The following CACNA1C variants were observed in gnomAD, a reference collection of about 807,000 sequenced individuals.
CACNA1C encodes the protein calcium voltage-gated channel subunit alpha1 C, also known as voltage-dependent L-type calcium channel subunit alpha-1C.
A neutral mutation model predicts 229.0 loss-of-function variants in CACNA1C; 30 were observed. That is an observed-to-expected ratio of 0.13 (90% CI 0.10 to 0.18). The LOEUF is 0.18. CACNA1C is among the 10% of genes least tolerant of loss of function. CACNA1C has a pLI of 1.00. For missense variants in CACNA1C, 1,658 were observed against 2,845.0 expected, an observed-to-expected ratio of 0.58 and a Z score of 9.49; for synonymous variants, 1,114 against 1,132.5, an observed-to-expected ratio of 0.98 and a Z score of 0.33.
At chr12:2,579,037 C>G (rs541284823) in intron 13 of CACNA1C, among the ~76,000 whole-genome samples, 14 of 152,056 alleles carry the variant, frequency 9.2e-5, no homozygotes, top group African/African-American at 3.1e-4. Flanking sequence ...GTCAGGAGGG[C>G]CCCCCCACCT....
Position 2,694,685 on chromosome 12 carries a change from C to T in CACNA1C, c.*3486C>T, listed in dbSNP as rs1279221050. 4 of 152,274 alleles carry T rather than the reference C, an allele frequency of 2.6e-5. No homozygotes were observed. Among genetic ancestry groups the T allele is most frequent in the Non-Finnish European group, 5.9e-5 (4 of 68,070 alleles). 9.4% of individuals were successfully genotyped at this position (152,274 alleles called of 1,614,324 possible). On this transcript the variant is annotated 3_prime_UTR_variant, in exon 47 of 47. Transcript: ENST00000399655. ...TACTTTCTCCCAGCTTTTCTCCACCCAGCATGTCTCCTGCCCATGCAGCTG... is the reference window on the plus strand; with the variant it reads ...TACTTTCTCCCAGCTTTTCTCCACCTAGCATGTCTCCTGCCCATGCAGCTG...
At position 2,493,130 on chromosome 12, in the gene CACNA1C, T is replaced by A. The variant is rs956133689; in HGVS notation, c.917-60T>A. 1 of 1,442,980 alleles carries A rather than the reference T, an allele frequency of 6.9e-7. No homozygotes were observed. The highest frequency in any genetic ancestry group is 1.8e-5 in the Admixed American group (1 of 56,632). 89.4% of individuals were successfully genotyped at this position (1,442,980 alleles called of 1,614,324 possible). A position where few individuals can be genotyped will look rare whatever the true frequency, so the allele number is the denominator to read the frequency against. On this transcript the variant is annotated intron_variant, in intron 6 of 46. Coordinates refer to ENST00000399655, the MANE Select transcript of CACNA1C (RefSeq NM_000719.7). This position sits in a 1 kb window ranked among gnomAD's most constrained non-coding sequence, Gnocchi z 4.6. ...GTCACTTTTCTCTCTGACTTCTTTC[T>A]CTGCCCACATCTCTCCCTCCCTGCT...
intron 30 of CACNA1C, among the ~76,000 whole-genome samples, chr12:2,637,166 C>T (rs1435089079): frequency 1.3e-5 from 2 of 152,320 alleles, no homozygotes; most frequent in Admixed American, 6.5e-5. Flanking sequence ...CCTGTCAAAG[C>T]GTTACCAACA....
intron 3 of CACNA1C, among the ~76,000 whole-genome samples, chr12:2,363,298 A>G (rs994411141): frequency 2.6e-5 from 4 of 152,132 alleles, no homozygotes; most frequent in African/African-American, 9.7e-5. Context: ...ATCTCATAAT[A>G]TACTGAGGAG....
chr12:2,206,503 C>T (rs58513794), intron 3 of CACNA1C, among the ~76,000 whole-genome samples: 3,061 of 152,292 alleles, frequency 0.02, 122 homozygotes, highest in African/African-American at 0.07. Context: ...CAGTCTGAGA[C>T]TCAGCATTTT....
chr12:2,324,007 G>A (rs1406979338), intron 3 of CACNA1C, among the ~76,000 whole-genome samples: 5 of 152,196 alleles, frequency 3.3e-5, no homozygotes, highest in African/African-American at 9.7e-5. Context: ...AGCCGGGTCT[G>A]TTTATCTGGT....
At chr12:2,274,092 G>A (rs1025949356) in intron 3 of CACNA1C, among the ~76,000 whole-genome samples, 8 of 152,194 alleles carry the variant, frequency 5.3e-5, no homozygotes, top group Non-Finnish European at 7.3e-5. Flanking sequence ...GTCCCACTTG[G>A]GTGCTTGATA....
chr12:2,151,836 G>A (rs1048914083), intron 3 of CACNA1C, among the ~76,000 whole-genome samples: 2 of 152,148 alleles, frequency 1.3e-5, no homozygotes, highest in South Asian at 2.1e-4. Context: ...TGATGCACGG[G>A]TGGATGAGCC....
chr12:2,439,910 C>T (rs947655638), intron 3 of CACNA1C, among the ~76,000 whole-genome samples: 2 of 152,020 alleles, frequency 1.3e-5, no homozygotes, highest in African/African-American at 4.8e-5. Context: ...CCAGACCGTT[C>T]GGAGCAGCAG....
At chr12:2,193,682 C>G (rs973952247) in intron 3 of CACNA1C, among the ~76,000 whole-genome samples, 1 of 152,194 alleles carries the variant, frequency 6.6e-6, no homozygotes, top group African/African-American at 2.4e-5. Context: ...CCCACCCAGC[C>G]GAGGAGGCCC....
At chr12:2,567,536 G>T (rs753576484) in intron 12 of CACNA1C, 33 bp from the exon 13 acceptor site, 37 of 1,413,052 alleles carry the variant, frequency 2.6e-5, no homozygotes, top group Middle Eastern at 1.8e-4. Context: ...CTCTGGCCCT[G>T]CTCGGATCTC....
In CACNA1C at chr12:2,439,714, G is replaced by GT. The variant is rs57831176; in HGVS notation, c.478-9249dup. On this transcript the variant is annotated intron_variant, in intron 3 of 46. Transcript: ENST00000399655. ...AGAGAAAGAGATAAGTTTGAGAAGG[G>GT]TTTTTTTTTTTTTAATTGAGCTACT... Among the ~76,000 whole-genome samples, 982 of 145,148 alleles carry GT rather than the reference G, an allele frequency of 6.8e-3. 4 individuals carry two copies. Among genetic ancestry groups the GT allele is most frequent in the African/African-American group, 0.014 (577 of 39,862 alleles).
At chr12:2,094,890 C>T (rs750591696) in intron 1 of CACNA1C, among the ~76,000 whole-genome samples, 1 of 152,146 alleles carries the variant, frequency 6.6e-6, no homozygotes, top group Admixed American at 6.5e-5. Context: ...TGCTGCAGGC[C>T]CCAGGGGCTC....
chr12:2,276,393 A>G (rs1049222676), intron 3 of CACNA1C, among the ~76,000 whole-genome samples: 1 of 152,230 alleles, frequency 6.6e-6, no homozygotes, highest in African/African-American at 2.4e-5. Context: ...GGGATTACCA[A>G]ACATCTTATT....
intron 3 of CACNA1C, among the ~76,000 whole-genome samples, chr12:2,440,979 C>CT (rs1443444965): frequency 6.6e-6 from 1 of 152,186 alleles, no homozygotes; most frequent in Non-Finnish European, 1.5e-5. Flanking sequence ...TCCTTCATCT[C>CT]TCAGACAGAG....
intron 3 of CACNA1C, among the ~76,000 whole-genome samples, chr12:2,186,191 G>A (rs1301739824): frequency 1.3e-5 from 2 of 152,200 alleles, no homozygotes; most frequent in Non-Finnish European, 2.9e-5. Context: ...TTGCAATAAA[G>A]GTCTCCCTTC....
intron 3 of CACNA1C, among the ~76,000 whole-genome samples, chr12:2,310,820 G>A (rs1671365036): frequency 2.0e-5 from 3 of 152,296 alleles, no homozygotes; most frequent in Admixed American, 6.5e-5. Flanking sequence ...AATGGTTGCC[G>A]CAAGACCCCC....
chr12:1,990,802 C>A (rs1172130935), intron 1 of CACNA1C, among the ~76,000 whole-genome samples: 1 of 152,134 alleles, frequency 6.6e-6, no homozygotes, highest in Non-Finnish European at 1.5e-5. Context: ...GTAAACCATA[C>A]ATAATTATTA....
At chr12:2,383,186 T>C (rs1472928316) in intron 3 of CACNA1C, among the ~76,000 whole-genome samples, 1 of 152,166 alleles carries the variant, frequency 6.6e-6, no homozygotes, top group Non-Finnish European at 1.5e-5. Flanking sequence ...GTGTAGCTAT[T>C]ACTATGATCA....
Sources: gnomAD v4.1 joint callset for allele counts (sites outside exome capture counted in the v4.1 genomes callset) on GRCh38, gnomAD v4.1.1 for gene constraint, Gnocchi (gnomAD v3.1) non-coding constraint, MANE v1.5 for transcripts, NCBI Gene and HGNC (gene_info 2026-07-23, HGNC 2026-07-21) for gene names.